The following GNL1 variants were observed in gnomAD, a reference collection of about 807,000 sequenced individuals.
The protein encoded by GNL1 is G protein nucleolar 1.
GNL1 carries 21 observed loss-of-function variants against 75.2 expected under a neutral mutation model. The observed-to-expected ratio is 0.28, with a 90% confidence interval of 0.20 to 0.40. The LOEUF (loss-of-function observed/expected upper bound fraction) is 0.40. Among genes scored for constraint, GNL1 ranks in the 10% least tolerant of loss-of-function variants. GNL1 has a pLI of 1.00. For synonymous variants in GNL1, 287 were observed against 303.4 expected (o/e 0.95, Z 0.56); for missense variants, 579 against 775.0 (o/e 0.75, Z 3.00).
In GNL1 at chr6:30,552,339, G is replaced by T; in HGVS notation, c.1099+128C>A. Reference sequence around the variant, plus strand: ...AGACGCCTCTTCTGCCTTGCCCACCGCCACTGGCAGAGATCACCCCTCAGA... The same window carrying T: ...AGACGCCTCTTCTGCCTTGCCCACCTCCACTGGCAGAGATCACCCCTCAGA... On this transcript the variant is annotated intron_variant, in intron 8 of 11. Coordinates refer to ENST00000376621, the MANE Select transcript of GNL1 (RefSeq NM_005275.5). The surrounding 1 kb of genome is among the most constrained non-coding windows in gnomAD (Gnocchi z 4.5). 1 of 705,660 alleles carries T rather than the reference G, an allele frequency of 1.4e-6. No individual in the cohort carries two copies. Among genetic ancestry groups the T allele is most frequent in the Non-Finnish European group, 2.4e-6 (1 of 423,300 alleles). The allele number at this position is 705,660 out of a possible 1,614,324, so 43.7% of individuals were successfully genotyped here.
Position 30,555,480 on chromosome 6 carries a change from C to T in GNL1, c.239+75G>A. 1 of 1,425,490 alleles carries T rather than the reference C, an allele frequency of 7.0e-7. No homozygotes were observed. Among genetic ancestry groups the T allele is most frequent in the Non-Finnish European group, 9.7e-7 (1 of 1,033,994 alleles). 88.3% of individuals were successfully genotyped at this position (1,425,490 alleles called of 1,614,324 possible). A position where few individuals can be genotyped will look rare whatever the true frequency, so the allele number is the denominator to read the frequency against. The stretch of plus-strand genomic sequence containing the variant: ...CCAGGCCCACCGTCTTCACCAGTAG[C>T]AGCCCGCTTTCCCCCAAAGCTCTGA... On this transcript the variant is annotated intron_variant, in intron 2 of 11. Transcript: ENST00000376621. The surrounding 1 kb of genome is among the most constrained non-coding windows in gnomAD (Gnocchi z 4.3).
intron 8 of GNL1, among the ~76,000 whole-genome samples, chr6:30,550,537 C>T (rs984542726): frequency 6.6e-6 from 1 of 152,162 alleles, no homozygotes; most frequent in African/African-American, 2.4e-5. Flanking sequence ...TTATTTCTCT[C>T]CTAGATTACT....
chr6:30,553,063 C>A, intron 7 of GNL1, 21 bp downstream of exon 7: 6 of 1,530,974 alleles, frequency 3.9e-6, no homozygotes, highest in Non-Finnish European at 5.4e-6. Flanking sequence ...CTCCTACAGC[C>A]CTCCTCTAAG....
Position 30,546,221 on chromosome 6 carries a change from C to A in GNL1, c.1675G>T (p.Glu559Ter). 1 of 1,560,016 alleles carries A rather than the reference C, an allele frequency of 6.4e-7. No individual in the cohort carries two copies. The highest frequency in any genetic ancestry group is 8.7e-7 in the Non-Finnish European group (1 of 1,145,934). Residue 559 changes from glutamate (E) to a stop codon, truncating the protein, a stop_gained, in exon 12 of 12, where the codon GAG becomes TAG. Coordinates refer to ENST00000376621, the MANE Select transcript of GNL1 (RefSeq NM_005275.5). LOFTEE classifies it high-confidence loss of function. The surrounding 1 kb of genome is among the most constrained non-coding windows in gnomAD (Gnocchi z 5.1). ...TCCTCCTCACAGGAGCTGCTCAGCT[C>A]TTCCTCTTCCTCCTCCTCCTCGTCA... ...AGDEEEEEEE[E>*]LSSSCEEEGE... is the part of the protein sequence containing the mutation.
At chr6:30,551,437 A>G (rs1799772519) in intron 8 of GNL1, among the ~76,000 whole-genome samples, 1 of 152,190 alleles carries the variant, frequency 6.6e-6, no homozygotes, top group Non-Finnish European at 1.5e-5. Context: ...CCACACTCCC[A>G]AATTTATTCT....
Position 30,555,807 on chromosome 6 carries a change from C to G in GNL1, c.74-87G>C. ...CCCCATCGGCCTGACTCCCTTTCAT[C>G]CCACTCAACTTCTTCCGATGTTCAG... On this transcript the variant is annotated intron_variant, in intron 1 of 11. Coordinates refer to ENST00000376621, the MANE Select transcript of GNL1 (RefSeq NM_005275.5). This position sits in a 1 kb window ranked among gnomAD's most constrained non-coding sequence, Gnocchi z 4.3. The G allele has an allele frequency of 7.3e-7, 1 of 1,365,728 alleles. No individual in the cohort carries two copies. Among genetic ancestry groups the G allele is most frequent in the Non-Finnish European group, 1.0e-6 (1 of 979,762 alleles). 84.6% of individuals were successfully genotyped at this position (1,365,728 alleles called of 1,614,324 possible).
chr6:30,549,534 C>T lies in GNL1; in HGVS notation c.1100-2004G>A, dbSNP rs145312470. Among the ~76,000 whole-genome samples the T allele has an allele frequency of 1.3e-4, 20 of 152,242 alleles. No individual in the cohort carries two copies. In the East Asian group the frequency reaches 3.9e-3, roughly 29 times the overall value. ...AGTTGTTGCACCTTCTCTCATGGGC[C>T]TACTCCAGTTTGGCTTTCTCCACCC... On this transcript the variant is annotated intron_variant, in intron 8 of 11. Coordinates refer to ENST00000376621, the MANE Select transcript of GNL1 (RefSeq NM_005275.5).
chr6:30,552,246 T>G lies in GNL1; in HGVS notation c.1099+221A>C, dbSNP rs1467461665. The stretch of plus-strand genomic sequence containing the variant: ...TAAGACTCAGAGTAGCAAAATCACT[T>G]ACTCAAGACCTCACAGCTGAGAAGA... On this transcript the variant is annotated intron_variant, in intron 8 of 11. Transcript: ENST00000376621. The surrounding 1 kb of genome is among the most constrained non-coding windows in gnomAD (Gnocchi z 4.5). 2.0e-6 allele frequency: 1 copy of G among 492,306 alleles called. No homozygotes were observed. The highest frequency in any genetic ancestry group is 1.9e-5 in the African/African-American group (1 of 52,442). The allele number at this position is 492,306 out of a possible 1,614,324, so 30.5% of individuals were successfully genotyped here.
intron 3 of GNL1, 58 bp downstream of exon 3, chr6:30,554,997 C>A: frequency 1.2e-6 from 2 of 1,610,276 alleles, no homozygotes; most frequent in Non-Finnish European, 1.7e-6. Context: ...TCCTCACAGT[C>A]GGCTTTTACC....
rs1562702217 is a variant in GNL1, at chr6:30,547,283, A to T, written c.1279-9T>A. 3.0e-5 allele frequency: 47 copies of T among 1,586,286 alleles called. No individual in the cohort carries two copies. The highest frequency in any genetic ancestry group is 3.9e-5 in the Non-Finnish European group (46 of 1,165,932). On this transcript the variant is annotated splice_polypyrimidine_tract_variant and intron_variant, in intron 9 of 11. Transcript: ENST00000376621. This position sits in a 1 kb window ranked among gnomAD's most constrained non-coding sequence, Gnocchi z 5.5. The stretch of plus-strand genomic sequence containing the variant: ...TAGATCCCTGCCAGAACCTGAGGGA[A>T]ATGAGCACTCAGTACTTTCCTCAAT...
rs1799485715 is a variant in GNL1, at chr6:30,546,903, A to G, written c.1442-67T>C. 7.4e-7 allele frequency: 1 copy of G among 1,350,454 alleles called. No homozygotes were observed. The highest frequency in any genetic ancestry group is 1.4e-5 in the African/African-American group (1 of 69,094). 83.7% of individuals were successfully genotyped at this position (1,350,454 alleles called of 1,614,324 possible). A position where few individuals can be genotyped will look rare whatever the true frequency, so the allele number is the denominator to read the frequency against. On this transcript the variant is annotated intron_variant, in intron 10 of 11. Coordinates refer to ENST00000376621, the MANE Select transcript of GNL1 (RefSeq NM_005275.5). This position sits in a 1 kb window ranked among gnomAD's most constrained non-coding sequence, Gnocchi z 5.1. The stretch of plus-strand genomic sequence containing the variant: ...AGGTACCAGTTATACTCCCACTCCC[A>G]TAACACAGTCCTTCCAGTTTTCCCC...
Position 30,546,693 on chromosome 6 carries a change from G to A in GNL1, c.1582+3C>T, listed in dbSNP as rs781587947. ...GGCTGGGGAAGAATATCTGGGCTCT[G>A]ACCTTTCTGTTCACTGTAGCCTGGG... On this transcript the variant is annotated splice_donor_region_variant and intron_variant, in intron 11 of 11. Transcript: ENST00000376621. The surrounding 1 kb of genome is among the most constrained non-coding windows in gnomAD (Gnocchi z 5.1). 1 of 1,602,532 alleles carries A rather than the reference G, an allele frequency of 6.2e-7. No individual in the cohort carries two copies. The highest frequency in any genetic ancestry group is 8.5e-7 in the Non-Finnish European group (1 of 1,173,476).
At chr6:30,549,719 C>T (rs540309679) in intron 8 of GNL1, among the ~76,000 whole-genome samples, 1 of 152,246 alleles carries the variant, frequency 6.6e-6, no homozygotes, top group African/African-American at 2.4e-5. Context: ...TCCTCCTTCT[C>T]ACTGTCCTTT....
chr6:30,554,990 T>A, intron 3 of GNL1, 65 bp downstream of exon 3: 1 of 1,609,688 alleles, frequency 6.2e-7, no homozygotes, highest in Non-Finnish European at 8.5e-7. Flanking sequence ...CCCTCCTTCC[T>A]CACAGTCGGC....
rs999184422 is a variant in GNL1 at position 30,556,186 on chromosome 6, T to C, written c.18A>G (p.Pro6=). 3.7e-6 allele frequency: 6 copies of C among 1,605,398 alleles called. No homozygotes were observed. In the African/African-American group the frequency reaches 5.3e-5, roughly 14 times the overall value. Residue 6 remains proline (P), a synonymous_variant, in exon 1 of 12, where the codon CCA becomes CCG. Transcript: ENST00000376621. This position sits in a 1 kb window ranked among gnomAD's most constrained non-coding sequence, Gnocchi z 5.7. MPRKK[P]FSVKQKKKQL... is the part of the protein sequence containing the mutation. ...GCTTCTTCTTCTGCTTCACGCTGAATGGCTTCTTCCTCGGCATGGCCCGGA... is the reference window on the plus strand; with the variant it reads ...GCTTCTTCTTCTGCTTCACGCTGAACGGCTTCTTCCTCGGCATGGCCCGGA...
In GNL1 at chr6:30,555,534, A is replaced by C; in HGVS notation, c.239+21T>G. 1 of 1,599,224 alleles carries C rather than the reference A, an allele frequency of 6.3e-7. No homozygotes were observed. The highest frequency in any genetic ancestry group is 8.5e-7 in the Non-Finnish European group (1 of 1,170,072). ...CCGGGTAGGCGGGAAAGCCGGGACC[A>C]GCGCCCCCTCCCACCCTCACCGATT... On this transcript the variant is annotated intron_variant, in intron 2 of 11. Transcript: ENST00000376621. This position sits in a 1 kb window ranked among gnomAD's most constrained non-coding sequence, Gnocchi z 4.3.
intron 8 of GNL1, among the ~76,000 whole-genome samples, chr6:30,550,345 C>A (rs1422492513): frequency 1.3e-5 from 2 of 152,174 alleles, no homozygotes; most frequent in Admixed American, 6.5e-5. Flanking sequence ...CTCCCCCAGT[C>A]TTCCCATCTC....
chr6:30,552,278 A>G lies in GNL1; in HGVS notation c.1099+189T>C, dbSNP rs1799830809. 2 of 536,828 alleles carry G rather than the reference A, an allele frequency of 3.7e-6. No individual in the cohort carries two copies. The highest frequency in any genetic ancestry group is 5.7e-5 in the East Asian group (2 of 34,872). The allele number at this position is 536,828 out of a possible 1,614,324, so 33.3% of individuals were successfully genotyped here. On this transcript the variant is annotated intron_variant, in intron 8 of 11. Coordinates refer to ENST00000376621, the MANE Select transcript of GNL1 (RefSeq NM_005275.5). The surrounding 1 kb of genome is among the most constrained non-coding windows in gnomAD (Gnocchi z 4.5). ...GACCTCACAGCTGAGAAGAGGTGGA[A>G]TTTAACTCAGGCTGTCATGATCCTT... is the stretch of plus-strand genomic sequence containing the variant.
rs755153260 is a variant in GNL1, at chr6:30,547,073, T to C, written c.1441+39A>G. ...GGCGAGGCAGGTAAGGAAGAGCAGCTGAAACCAGGTGGGGCGAAGCCAGGC... is the reference window on the plus strand; with the variant it reads ...GGCGAGGCAGGTAAGGAAGAGCAGCCGAAACCAGGTGGGGCGAAGCCAGGC... On this transcript the variant is annotated intron_variant, in intron 10 of 11. Coordinates refer to ENST00000376621, the MANE Select transcript of GNL1 (RefSeq NM_005275.5). The surrounding 1 kb of genome is among the most constrained non-coding windows in gnomAD (Gnocchi z 5.5). 1 of 1,578,872 alleles carries C rather than the reference T, an allele frequency of 6.3e-7. No individual in the cohort carries two copies. The highest frequency in any genetic ancestry group is 1.1e-5 in the South Asian group (1 of 90,390).
Sources: gnomAD v4.1 joint callset for allele counts (sites outside exome capture counted in the v4.1 genomes callset) on GRCh38, gnomAD v4.1.1 for gene constraint, Gnocchi (gnomAD v3.1) non-coding constraint, MANE v1.5 for transcripts, NCBI Gene and HGNC (gene_info 2026-07-23, HGNC 2026-07-21) for gene names.